Variants in DST observed in about 807,000 individuals in gnomAD.
DST encodes dystonin, also known as bullous pemphigoid antigen.
Under a neutral mutation model 875.2 loss-of-function variants are expected in DST, and 253 were observed. The observed-to-expected ratio is 0.29, with a 90% CI of 0.26 to 0.32. The LOEUF is 0.32. Ranked by LOEUF, DST falls within the 10% of genes least tolerant of loss-of-function variation. The pLI is 1.00. For synonymous variants in DST, 3,124 were observed against 3,197.1 expected (o/e 0.98, Z 0.77); for missense variants, 8,287 against 9,111.6 (o/e 0.91, Z 3.68).
At chr6:56,879,149 C>T (rs1357675091) in intron 3 of DST, among the ~76,000 whole-genome samples, 1 of 152,210 alleles carries the variant, frequency 6.6e-6, no homozygotes, top group African/African-American at 2.4e-5. Context: ...CCACTTTCAA[C>T]TTTCTACGTA....
At chr6:56,589,033 T>A (rs905598999) in intron 49 of DST, among the ~76,000 whole-genome samples, 1 of 152,202 alleles carries the variant, frequency 6.6e-6, no homozygotes, top group Non-Finnish European at 1.5e-5. Flanking sequence ...GGAGATGAAG[T>A]AAGTGAAGGG....
intron 4 of DST, among the ~76,000 whole-genome samples, chr6:56,796,151 G>A (rs917182126): frequency 6.6e-6 from 1 of 152,166 alleles, no homozygotes; most frequent in African/African-American, 2.4e-5. Flanking sequence ...CCAAAAAGAT[G>A]CAATACCTAA....
At chr6:56,580,609 A>G (rs2097957556) in intron 49 of DST, among the ~76,000 whole-genome samples, 1 of 151,794 alleles carries the variant, frequency 6.6e-6, no homozygotes, top group African/African-American at 2.4e-5. Flanking sequence ...TTTCATAATT[A>G]CAGAATGTTC....
At chr6:56,832,094 T>C (rs768549594) in intron 4 of DST, among the ~76,000 whole-genome samples, 1 of 152,212 alleles carries the variant, frequency 6.6e-6, no homozygotes, top group Non-Finnish European at 1.5e-5. Flanking sequence ...CTTTCTGTAA[T>C]TTAGAATCCT....
Position 56,629,349 on chromosome 6 carries a change from T to G in DST, c.4376A>C (p.Lys1459Thr). 1 of 1,613,774 alleles carries G rather than the reference T, an allele frequency of 6.2e-7. No individual in the cohort carries two copies. The change falls in exon 32 of 104, where the codon AAA becomes ACA. Residue 1459 changes from lysine (K) to threonine (T), a missense_variant. Lys to Thr is a moderately conservative substitution (Grantham distance 78, BLOSUM62 -1). This residue lies in a region of DST where 3,138 missense variants were observed against 3,116.6 expected (regional missense o/e 1.01). Coordinates refer to ENST00000680361, the MANE Select transcript of DST (RefSeq NM_001374736.1). Reference protein sequence around the residue: ...KAKAISDEMFKTYKERDLDFD... With the variant: ...KAKAISDEMFTTYKERDLDFD... ...ATCAAGGTCCCGTTCTTTATACGTT[T>G]TAAACATTTCATCACTGATGGCTTT...
At chr6:56,927,809 T>TA (rs1436878573) in intron 2 of DST, among the ~76,000 whole-genome samples, 4 of 152,084 alleles carry the variant, frequency 2.6e-5, no homozygotes, top group Non-Finnish European at 5.9e-5. Flanking sequence ...AGGAGGGATT[T>TA]AAAAAAGAGA....
At position 56,666,297 on chromosome 6, in the gene DST, T is replaced by C. The variant is rs145767350; in HGVS notation, c.1214+4344A>G. 1.5e-4 allele frequency among the ~76,000 whole-genome samples: 23 copies of C among 152,260 alleles called. 1 individual carries two copies. Among genetic ancestry groups the C allele is most frequent in the Admixed American group, 1.4e-3 (22 of 15,290 alleles). ...TAATAACTTATAACAGTATAATTTA[T>C]ATTAATAAAAAATGTGAAGGATGCT... On this transcript the variant is annotated intron_variant, in intron 10 of 103. Coordinates refer to ENST00000680361, the MANE Select transcript of DST (RefSeq NM_001374736.1).
intron 5 of DST, among the ~76,000 whole-genome samples, chr6:56,734,033 TACAGA>T (rs2099513661): frequency 1.3e-5 from 2 of 152,232 alleles, no homozygotes; most frequent in African/African-American, 4.8e-5. Context: ...CCCCAAACTT[TACAGA>T]GTGTCCTAGC....
At chr6:56,496,476 T>C (rs1325520843) in intron 82 of DST, among the ~76,000 whole-genome samples, 3 of 149,352 alleles carry the variant, frequency 2.0e-5, no homozygotes, top group African/African-American at 7.3e-5. Context: ...ACAAGGAAGT[T>C]TTTTTTTTTT....
intron 50 of DST, among the ~76,000 whole-genome samples, chr6:56,578,364 C>G (rs1457731735): frequency 6.6e-6 from 1 of 152,008 alleles, no homozygotes; most frequent in Admixed American, 6.6e-5. Flanking sequence ...ATAAAGTAAC[C>G]CCTGTCTCTA....
At chr6:56,944,116 CAAAT>C (rs966456723) in intron 2 of DST, among the ~76,000 whole-genome samples, 7 of 151,964 alleles carry the variant, frequency 4.6e-5, no homozygotes, top group Admixed American at 2.6e-4. Flanking sequence ...GACCCTGTCT[CAAAT>C]AAATAAATAA....
chr6:56,568,617 AT>A (rs1434089677), intron 54 of DST, 22 bp from the exon 55 acceptor site: 2 of 1,555,602 alleles, frequency 1.3e-6, no homozygotes, highest in Non-Finnish European at 8.7e-7. Context: ...AAAACACATT[AT>A]TTTTCCATCT....
At chr6:56,940,036 A>T (rs1028437123) in intron 2 of DST, among the ~76,000 whole-genome samples, 22 of 152,114 alleles carry the variant, frequency 1.4e-4, no homozygotes, top group South Asian at 2.1e-4. Context: ...AAAAAAAAAA[A>T]TTTTATATAA....
At chr6:56,785,381 G>A (rs1023447835) in intron 4 of DST, among the ~76,000 whole-genome samples, 3 of 152,208 alleles carry the variant, frequency 2.0e-5, no homozygotes, top group Admixed American at 2.0e-4. Flanking sequence ...GATCTTCCAG[G>A]CTGCTTTGTT....
At chr6:56,708,724 T>C (rs1055624327) in intron 5 of DST, among the ~76,000 whole-genome samples, 3 of 152,016 alleles carry the variant, frequency 2.0e-5, no homozygotes, top group Admixed American at 6.6e-5. Context: ...ATCAACATTA[T>C]GGGTAAAGGG....
At chr6:56,476,366 T>C in intron 91 of DST, 29 bp from the exon 92 acceptor site, 8 of 1,511,716 alleles carry the variant, frequency 5.3e-6, no homozygotes, top group Non-Finnish European at 6.2e-6. Context: ...TTTCTCTGAA[T>C]TTCCTCCAAC....
chr6:56,887,585 G>A (rs752303647), intron 3 of DST, among the ~76,000 whole-genome samples: 15 of 152,162 alleles, frequency 9.9e-5, no homozygotes, highest in Non-Finnish European at 1.8e-4. Flanking sequence ...CAAAGTGTAA[G>A]TGACTATCTA....
intron 100 of DST, chr6:56,463,978 G>GA (rs747382049): frequency 3.0e-6 from 2 of 663,792 alleles, no homozygotes; most frequent in South Asian, 1.5e-5. Flanking sequence ...GTTCGGGGAG[G>GA]AAAAAATAAA....
intron 66 of DST, 87 bp from the exon 67 acceptor site, chr6:56,529,012 A>C: frequency 2.4e-6 from 2 of 844,960 alleles, no homozygotes; most frequent in Non-Finnish European, 3.9e-6. Flanking sequence ...CTTTAATTAG[A>C]TTTCACAGAG....
Sources: allele counts gnomAD v4.1 joint callset (sites outside exome capture counted in the v4.1 genomes callset), GRCh38; gene constraint gnomAD v4.1.1; regional missense constraint gnomAD v4.1.1; transcripts MANE v1.5; gene names NCBI Gene and HGNC (gene_info 2026-07-23, HGNC 2026-07-21).